The following TMEM255B variants were observed in gnomAD, a reference collection of about 807,000 sequenced individuals.
TMEM255B encodes the protein family with sequence similarity 70, member B.
Under a neutral mutation model 34.5 loss-of-function variants are expected in TMEM255B, and 35 were observed. The observed-to-expected ratio is 1.01, with a 90% CI of 0.77 to 1.34. The LOEUF (loss-of-function observed/expected upper bound fraction) is 1.34, where lower values mean the gene tolerates loss of function less well. Ranked by LOEUF, TMEM255B falls within the 40% of genes most tolerant of loss-of-function variation. The pLI, the probability that TMEM255B is intolerant of heterozygous loss-of-function variation, is 0.00. For synonymous variants in TMEM255B, 206 were observed against 201.2 expected, an observed-to-expected ratio of 1.02 and a Z score of -0.20; for missense variants, 432 against 433.2, an observed-to-expected ratio of 1.00 and a Z score of 0.02.
Position 113,801,721 on chromosome 13 carries a change from A to G in TMEM255B, c.578A>G (p.Tyr193Cys). 1.2e-6 allele frequency: 2 copies of G among 1,612,888 alleles called. No individual in the cohort carries two copies. The highest frequency in any genetic ancestry group is 1.7e-6 in the Non-Finnish European group (2 of 1,179,730). ...VSGCQDVLHLYRLLWASAVLN... is the reference protein window; with the variant it reads ...VSGCQDVLHLCRLLWASAVLN... ...GGCTGCCAGGACGTGCTGCACCTGT[A>G]CCGCCTGCTCTGGGCCTCTGCAGTT... The change falls in exon 7 of 9, where the codon TAC (tyrosine) becomes TGC (cysteine). Residue 193 changes from tyrosine to cysteine, a missense_variant. Transcript: ENST00000375353.
At chr13:113,795,481 G>A (rs904215976) in intron 4 of TMEM255B, among the ~76,000 whole-genome samples, 5 of 146,898 alleles carry the variant, frequency 3.4e-5, no homozygotes, top group African/African-American at 1.3e-4. Flanking sequence ...CCACAACAGA[G>A]CACAGAGCAC....
Position 113,811,872 on chromosome 13 carries a change from C to T in TMEM255B, c.950C>T (p.Pro317Leu), listed in dbSNP as rs143135758. The change falls in exon 9 of 9, where the codon CCG becomes CTG. Residue 317 changes from proline to leucine, a missense_variant. Pro to Leu is a moderately conservative substitution (Grantham distance 98). Transcript: ENST00000375353. ...TGCTACGCACCCACCTACTTTCCCC[C>T]GGGGGAGAAGCCACCCCCCTACGCA... The part of the protein sequence containing the change: ...PPCYAPTYFP[P>L]GEKPPPYAP 3.5e-5 allele frequency: 57 copies of T among 1,613,256 alleles called. No homozygotes were observed. The East Asian group carries it at 4.0e-4, about 11-fold the overall frequency.
intron 3 of TMEM255B, among the ~76,000 whole-genome samples, chr13:113,787,220 T>C (rs773137843): frequency 6.6e-6 from 1 of 152,246 alleles, no homozygotes; most frequent in Non-Finnish European, 1.5e-5. Flanking sequence ...AAGAGCTACA[T>C]TGGGCATCTC....
At position 113,808,986 on chromosome 13, in the gene TMEM255B, C is replaced by G. The variant is rs558187227; in HGVS notation, c.814-2750C>G. On this transcript the variant is annotated intron_variant, in intron 8 of 8. Transcript: ENST00000375353. ...CTCTGTGGTTCCTGGGGAGATTACT[C>G]TGGTTCCTGGGGCTTTACTCCATGG... is the stretch of plus-strand genomic sequence containing the variant. Among the ~76,000 whole-genome samples, 3 of 123,800 alleles carry G rather than the reference C, an allele frequency of 2.4e-5. No individual in the cohort carries two copies. In the Admixed American group the frequency reaches 2.9e-4, roughly 12 times the overall value. The allele number at this position is 123,800 out of a possible 152,430, so 81.2% of individuals were successfully genotyped here. A position where few individuals can be genotyped will look rare whatever the true frequency, so the allele number is the denominator to read the frequency against.
intron 5 of TMEM255B, chr13:113,799,726 G>A: frequency 1.4e-6 from 1 of 699,172 alleles, no homozygotes; most frequent in Non-Finnish European, 2.7e-6. Flanking sequence ...ATTGCAATAA[G>A]AAGCAAGGAT....
chr13:113,763,506 A>G (rs953228567), intron 1 of TMEM255B, among the ~76,000 whole-genome samples: 3 of 152,182 alleles, frequency 2.0e-5, no homozygotes, highest in African/African-American at 7.2e-5. Flanking sequence ...CCGTGAACAT[A>G]TAACCTTTCA....
intron 3 of TMEM255B, among the ~76,000 whole-genome samples, chr13:113,793,583 C>T (rs188597800): frequency 2.4e-4 from 36 of 152,226 alleles, no homozygotes; most frequent in Admixed American, 1.3e-4. Flanking sequence ...ACTCGCTCTC[C>T]GGCCCGCTGC....
chr13:113,791,602 GCTGT>G (rs1405563716), intron 3 of TMEM255B, among the ~76,000 whole-genome samples: 1 of 152,216 alleles, frequency 6.6e-6, no homozygotes, highest in Non-Finnish European at 1.5e-5. Context: ...GAGCTGAGGC[GCTGT>G]CTGAGCGAAA....
intron 3 of TMEM255B, among the ~76,000 whole-genome samples, chr13:113,783,698 G>C (rs1027962128): frequency 6.6e-6 from 1 of 152,120 alleles, no homozygotes; most frequent in Non-Finnish European, 1.5e-5. Context: ...TTTCTGAATG[G>C]GTGACTGGTG....
intron 3 of TMEM255B, among the ~76,000 whole-genome samples, chr13:113,789,471 T>C (rs1456028067): frequency 1.3e-5 from 2 of 152,214 alleles, no homozygotes; most frequent in Non-Finnish European, 2.9e-5. Flanking sequence ...TAACAATGCC[T>C]GGAGAAAAGT....
chr13:113,774,874 C>A (rs559640695), intron 3 of TMEM255B, among the ~76,000 whole-genome samples: 5 of 146,912 alleles, frequency 3.4e-5, no homozygotes, highest in African/African-American at 1.3e-4. Flanking sequence ...CACCACACAA[C>A]GCACACCACA....
At chr13:113,792,031 G>T (rs1407148496) in intron 3 of TMEM255B, among the ~76,000 whole-genome samples, 1 of 152,248 alleles carries the variant, frequency 6.6e-6, no homozygotes, top group African/African-American at 2.4e-5. Context: ...CAGAGCTGGG[G>T]ACGCGGCCCC....
At chr13:113,780,241 A>G (rs1474705829) in intron 3 of TMEM255B, among the ~76,000 whole-genome samples, 1 of 152,220 alleles carries the variant, frequency 6.6e-6, no homozygotes, top group Non-Finnish European at 1.5e-5. Context: ...TTGGCTTCAT[A>G]AGTCAAGTTT....
chr13:113,760,414 T>C (rs1323136335), intron 1 of TMEM255B, among the ~76,000 whole-genome samples: 1 of 152,224 alleles, frequency 6.6e-6, no homozygotes, highest in Non-Finnish European at 1.5e-5. Context: ...TGTTTAAAAA[T>C]AGCATCTGAC....
intron 3 of TMEM255B, among the ~76,000 whole-genome samples, chr13:113,791,094 T>G (rs1314755998): frequency 6.6e-6 from 1 of 152,200 alleles, no homozygotes; most frequent in African/African-American, 2.4e-5. Context: ...TGTGATGTTT[T>G]GGGTGAAATT....
chr13:113,777,069 C>G (rs2050591324), intron 3 of TMEM255B, among the ~76,000 whole-genome samples: 1 of 152,086 alleles, frequency 6.6e-6, no homozygotes, highest in East Asian at 1.9e-4. Context: ...TTTGGAAAAT[C>G]CAACTCATTT....
chr13:113,787,592 G>A (rs2050765728), intron 3 of TMEM255B, among the ~76,000 whole-genome samples: 1 of 152,192 alleles, frequency 6.6e-6, no homozygotes, highest in Non-Finnish European at 1.5e-5. Flanking sequence ...ACACCCGCAT[G>A]GCAGGTGTGC....
rs1370985173 is a variant in TMEM255B at position 113,769,075 on chromosome 13, T to G, written c.190-23T>G. ...CTAGGCACGTTAATGAGTGTTTCTCTCTCGTTCTTCCTTTGGTTTTAGCTC... is the reference window on the plus strand; with the variant it reads ...CTAGGCACGTTAATGAGTGTTTCTCGCTCGTTCTTCCTTTGGTTTTAGCTC... On this transcript the variant is annotated intron_variant, in intron 2 of 8. Coordinates refer to ENST00000375353, the MANE Select transcript of TMEM255B (RefSeq NM_182614.4). The surrounding 1 kb of genome is among the most constrained non-coding windows in gnomAD (Gnocchi z 4.2). 6.2e-7 allele frequency: 1 copy of G among 1,613,782 alleles called. No homozygotes were observed. The highest frequency in any genetic ancestry group is 8.5e-7 in the Non-Finnish European group (1 of 1,179,766).
At chr13:113,771,991 T>A (rs1483307451) in intron 3 of TMEM255B, among the ~76,000 whole-genome samples, 2 of 152,200 alleles carry the variant, frequency 1.3e-5, no homozygotes, top group African/African-American at 4.8e-5. Flanking sequence ...CTCCTGTTTC[T>A]CCACTCCCTC....
Sources: allele counts gnomAD v4.1 joint callset (sites outside exome capture counted in the v4.1 genomes callset), GRCh38; gene constraint gnomAD v4.1.1; non-coding constraint Gnocchi (gnomAD v3.1); transcripts MANE v1.5; gene names NCBI Gene and HGNC (gene_info 2026-07-23, HGNC 2026-07-21).